CNST: variants seen among roughly 807,000 people sequenced by gnomAD.
CNST encodes the protein consortin, connexin sorting protein.
A neutral mutation model predicts 72.4 loss-of-function variants in CNST; 39 were observed. The observed-to-expected ratio is 0.54, with a 90% CI of 0.42 to 0.70. The LOEUF is 0.70. Ranked by LOEUF, CNST falls within the 30% of genes least tolerant of loss-of-function variation. The probability of loss-of-function intolerance (pLI) is 0.00; values close to 1 mark genes in which losing one functional copy is unlikely to be tolerated. For missense variants in CNST, 871 were observed against 868.5 expected, an observed-to-expected ratio of 1.00 and a Z score of -0.04; for synonymous variants, 332 against 320.1, an observed-to-expected ratio of 1.04 and a Z score of -0.40.
chr1:246,655,158 T>C (rs1407844835), intron 9 of CNST, among the ~76,000 whole-genome samples: 1 of 152,176 alleles, frequency 6.6e-6, no homozygotes, highest in Non-Finnish European at 1.5e-5. Flanking sequence ...CAAAACAAAT[T>C]GCAAAAACAT....
At position 246,653,108 on chromosome 1, in the gene CNST, G is replaced by T. The variant is rs1223575731; in HGVS notation, c.1836+5071G>T. 3.9e-5 allele frequency among the ~76,000 whole-genome samples: 6 copies of T among 152,246 alleles called. No individual in the cohort carries two copies. In the East Asian group the frequency reaches 1.2e-3, roughly 29 times the overall value. ...TACTTAAATGTTTTCAGAACTGCTT[G>T]TATCACATGAAGCAAAATACAGGGG... On this transcript the variant is annotated intron_variant, in intron 9 of 10. Transcript: ENST00000366513.
chr1:246,627,922 A>G (rs1052592550), intron 3 of CNST, among the ~76,000 whole-genome samples: 3 of 151,304 alleles, frequency 2.0e-5, no homozygotes, highest in African/African-American at 7.3e-5. Flanking sequence ...ATATATATTT[A>G]TATATATAAA....
intron 2 of CNST, among the ~76,000 whole-genome samples, chr1:246,601,249 G>C (rs1662270693): frequency 6.6e-6 from 1 of 152,066 alleles, no homozygotes; most frequent in African/African-American, 2.4e-5. Context: ...AGGCTGCAGT[G>C]AGCCATGATC....
At position 246,609,943 on chromosome 1, in the gene CNST, A is replaced by G. The variant is rs1348510509; in HGVS notation, c.380-11486A>G. On this transcript the variant is annotated intron_variant, in intron 2 of 10. Coordinates refer to ENST00000366513, the MANE Select transcript of CNST (RefSeq NM_152609.3). ...TGTTGTGCAACCATCATTTATATCTATTTCTAAAACTTTTATCTCCCCAAA... is the reference window on the plus strand; with the variant it reads ...TGTTGTGCAACCATCATTTATATCTGTTTCTAAAACTTTTATCTCCCCAAA... Among the ~76,000 whole-genome samples the G allele has an allele frequency of 5.9e-5, 9 of 152,268 alleles. No homozygotes were observed. The East Asian group carries it at 1.5e-3, about 26-fold the overall frequency.
intron 2 of CNST, among the ~76,000 whole-genome samples, chr1:246,616,424 G>T (rs116461256): frequency 0.029 from 4,421 of 152,224 alleles, 212 homozygotes; most frequent in African/African-American, 0.1. Context: ...CGGGCTTGGT[G>T]GTGTGTGCCT....
intron 10 of CNST, among the ~76,000 whole-genome samples, chr1:246,661,169 C>T (rs183927465): frequency 4.5e-4 from 68 of 151,818 alleles, no homozygotes; most frequent in African/African-American, 1.4e-3. Flanking sequence ...GGGGTTTCAC[C>T]ATGTTGGTCA....
chr1:246,587,612 C>A (rs1394814036), intron 1 of CNST, among the ~76,000 whole-genome samples: 1 of 152,172 alleles, frequency 6.6e-6, no homozygotes, highest in Non-Finnish European at 1.5e-5. Context: ...GATGTGTTTA[C>A]TTCTCTTTTG....
intron 3 of CNST, among the ~76,000 whole-genome samples, chr1:246,624,805 C>A (rs946271915): frequency 2.6e-5 from 4 of 152,144 alleles, no homozygotes; most frequent in African/African-American, 9.7e-5. Context: ...AGGCATGTGC[C>A]ACTGCGCCCA....
At chr1:246,664,151 TTAAA>T (rs1235075547) in intron 10 of CNST, among the ~76,000 whole-genome samples, 3 of 152,248 alleles carry the variant, frequency 2.0e-5, no homozygotes, top group Admixed American at 6.5e-5. Context: ...CTTCATTCTA[TTAAA>T]TACTTACATC....
chr1:246,630,444 T>G (rs1446003337), intron 3 of CNST, among the ~76,000 whole-genome samples: 1 of 152,218 alleles, frequency 6.6e-6, no homozygotes, highest in Non-Finnish European at 1.5e-5. Flanking sequence ...GGAATCAAAC[T>G]TTATATTAAC....
intron 1 of CNST, among the ~76,000 whole-genome samples, chr1:246,576,114 A>G (rs1474590314): frequency 6.8e-6 from 1 of 147,928 alleles, no homozygotes; most frequent in African/African-American, 2.5e-5. Flanking sequence ...GGGCGCCTGT[A>G]ATCCCAGATA....
rs745356529 is a variant in CNST at position 246,647,446 on chromosome 1, G to C, written c.1245G>C (p.Glu415Asp). The change falls in exon 9 of 11, where the codon GAG becomes GAC. Residue 415 changes from glutamate (E) to aspartate (D), a missense_variant. Coordinates refer to ENST00000366513, the MANE Select transcript of CNST (RefSeq NM_152609.3). ...CCTGCCAGGATGTGGCCAGAATAGA[G>C]GGCATTGCTGAAGACCCTAAGGTGT... ...TEACQDVARI[E>D]GIAEDPKVFL... is the part of the protein sequence containing the mutation. 2.5e-6 allele frequency: 4 copies of C among 1,614,142 alleles called. 1 individual carries two copies. The highest frequency in any genetic ancestry group is 3.4e-6 in the Non-Finnish European group (4 of 1,180,042).
rs1420642293 is a variant in CNST, at chr1:246,566,711, G to C, written c.-52+48G>C. ...GCAGGGGACCCGCCGGCTCGCGGCCGGGATGGAAAGCCTTTCGGAAGCCTC... is the reference window on the plus strand; with the variant it reads ...GCAGGGGACCCGCCGGCTCGCGGCCCGGATGGAAAGCCTTTCGGAAGCCTC... On this transcript the variant is annotated intron_variant, in intron 1 of 10. Transcript: ENST00000366513. The C allele has an allele frequency of 1.7e-5, 7 of 400,266 alleles. No individual in the cohort carries two copies. The East Asian group carries it at 2.5e-4, about 14-fold the overall frequency. 24.8% of individuals were successfully genotyped at this position (400,266 alleles called of 1,614,324 possible).
intron 1 of CNST, among the ~76,000 whole-genome samples, chr1:246,575,361 G>A (rs927570392): frequency 1.4e-4 from 21 of 152,180 alleles, no homozygotes; most frequent in African/African-American, 4.8e-4. Context: ...TGGTATATCT[G>A]TACAGTGGAA....
At chr1:246,612,885 A>G (rs1050031830) in intron 2 of CNST, among the ~76,000 whole-genome samples, 1 of 152,148 alleles carries the variant, frequency 6.6e-6, no homozygotes, top group Non-Finnish European at 1.5e-5. Flanking sequence ...ACCCTGTCTC[A>G]AAAAATATAT....
At chr1:246,638,590 C>G (rs1015218945) in intron 6 of CNST, among the ~76,000 whole-genome samples, 2 of 152,044 alleles carry the variant, frequency 1.3e-5, no homozygotes, top group African/African-American at 4.8e-5. Context: ...AGTGAGAGCT[C>G]GAGTGAGGGT....
At chr1:246,648,814 C>A (rs1280769331) in intron 9 of CNST, among the ~76,000 whole-genome samples, 1 of 152,072 alleles carries the variant, frequency 6.6e-6, no homozygotes, top group African/African-American at 2.4e-5. Flanking sequence ...CATTTTTCCC[C>A]CCAAGTTCAC....
Position 246,647,462 on chromosome 1 carries a change from C to T in CNST, c.1261C>T (p.Pro421Ser). ...CAGAATAGAGGGCATTGCTGAAGAC[C>T]CTAAGGTGTTTCTTTCCAGCAAGTC... is the stretch of plus-strand genomic sequence containing the variant. ...VARIEGIAEDPKVFLSSKSKT... is the reference protein window; with the variant it reads ...VARIEGIAEDSKVFLSSKSKT... Residue 421 changes from proline (P) to serine (S), a missense_variant, in exon 9 of 11, where the codon CCT becomes TCT. Physicochemically the swap from Pro to Ser is moderately conservative, Grantham distance 74. Transcript: ENST00000366513. The T allele has an allele frequency of 6.2e-7, 1 of 1,614,134 alleles. No homozygotes were observed. The highest frequency in any genetic ancestry group is 2.2e-5 in the East Asian group (1 of 44,884).
intron 1 of CNST, among the ~76,000 whole-genome samples, chr1:246,586,114 T>C (rs1661176647): frequency 2.8e-5 from 2 of 72,064 alleles, no homozygotes; most frequent in Non-Finnish European, 5.5e-5. Context: ...TATATATATG[T>C]GTGTGTGTGT....
Sources: gnomAD v4.1 joint callset for allele counts (sites outside exome capture counted in the v4.1 genomes callset) on GRCh38, gnomAD v4.1.1 for gene constraint, MANE v1.5 for transcripts, NCBI Gene and HGNC (gene_info 2026-07-23, HGNC 2026-07-21) for gene names.